The following PRRX2 variants were observed in gnomAD, a reference collection of about 807,000 sequenced individuals.
PRRX2 encodes paired mesoderm homeobox protein 2.
A neutral mutation model predicts 18.0 loss-of-function variants in PRRX2; 11 were observed. The observed-to-expected ratio is 0.61, with a 90% confidence interval of 0.39 to 1.01. The LOEUF (loss-of-function observed/expected upper bound fraction) is 1.01. Among genes scored for constraint, PRRX2 ranks in the 50% least tolerant of loss-of-function variants. PRRX2 has a pLI of 0.01. For synonymous variants in PRRX2, 177 were observed against 154.8 expected, an observed-to-expected ratio of 1.14 and a Z score of -1.06; for missense variants, 387 against 351.0, an observed-to-expected ratio of 1.10 and a Z score of -0.82.
Position 129,695,445 on chromosome 9 carries a change from T to TG in PRRX2, c.260-23783dup. Reference sequence around the variant, plus strand: ...CCTCCAAATTCCCGGTCTCTTGCTCTGGGCTTTACTTGACCAATGTGCTTC... The same window carrying TG: ...CCTCCAAATTCCCGGTCTCTTGCTCTGGGGCTTTACTTGACCAATGTGCTTC... On this transcript the variant is annotated intron_variant, in intron 1 of 3. Transcript: ENST00000372469. The surrounding 1 kb of genome is among the most constrained non-coding windows in gnomAD (Gnocchi z 4.8). Among the ~76,000 whole-genome samples the TG allele has an allele frequency of 6.6e-6, 1 of 152,348 alleles. No homozygotes were observed. Among genetic ancestry groups the TG allele is most frequent in the Middle Eastern group, 3.4e-3 (1 of 294 alleles).
In PRRX2 at chr9:129,719,223, C is replaced by T; in HGVS notation, c.260-8C>T. The T allele has an allele frequency of 1.9e-6, 3 of 1,566,178 alleles. No individual in the cohort carries two copies. Among genetic ancestry groups the T allele is most frequent in the Non-Finnish European group, 2.6e-6 (3 of 1,154,716 alleles). On this transcript the variant is annotated splice_polypyrimidine_tract_variant and splice_region_variant and intron_variant, in intron 1 of 3. Transcript: ENST00000372469. Reference sequence around the variant, plus strand: ...CTGCTGACCATCCCGCCCCCCCAACCTCCGCAGGTGAGTGTCCCAGCCCGG... The same window carrying T: ...CTGCTGACCATCCCGCCCCCCCAACTTCCGCAGGTGAGTGTCCCAGCCCGG...
rs1220083550 is a variant in PRRX2 at position 129,719,340 on chromosome 9, C to G, written c.369C>G (p.Phe123Leu). The G allele has an allele frequency of 1.9e-6, 3 of 1,596,248 alleles. No homozygotes were observed. The highest frequency in any genetic ancestry group is 2.6e-6 in the Non-Finnish European group (3 of 1,172,216). ...AACTGCAGGCGCTGGAGCGCGTGTTCGAGCGCACGCACTACCCCGACGCCT... is the reference window on the plus strand; with the variant it reads ...AACTGCAGGCGCTGGAGCGCGTGTTGGAGCGCACGCACTACCCCGACGCCT... ...SSQLQALERV[F>L]ERTHYPDAFV... The change falls in exon 2 of 4, where the codon TTC (phenylalanine) becomes TTG (leucine). Residue 123 changes from phenylalanine (F) to leucine (L), a missense_variant. Transcript: ENST00000372469.
intron 1 of PRRX2, among the ~76,000 whole-genome samples, chr9:129,678,661 G>T (rs1037592867): frequency 2.6e-5 from 4 of 152,190 alleles, no homozygotes; most frequent in African/African-American, 9.7e-5. Flanking sequence ...AGAAAGGGTG[G>T]GAGAGAGCAT....
intron 1 of PRRX2, among the ~76,000 whole-genome samples, chr9:129,718,952 A>C (rs1390638622): frequency 6.6e-6 from 1 of 152,106 alleles, no homozygotes; most frequent in Admixed American, 6.5e-5. Flanking sequence ...CAGTTGGCTC[A>C]GACTGGGGTT....
intron 3 of PRRX2, among the ~76,000 whole-genome samples, 187 bp downstream of exon 3, chr9:129,720,961 C>G (rs541327441): frequency 6.6e-6 from 1 of 152,152 alleles, no homozygotes; most frequent in Non-Finnish European, 1.5e-5. Context: ...AGCACCTGCA[C>G]GTGCATGTTG....
intron 1 of PRRX2, among the ~76,000 whole-genome samples, chr9:129,700,382 A>C (rs1224927109): frequency 6.8e-6 from 1 of 147,108 alleles, no homozygotes; most frequent in Non-Finnish European, 1.5e-5. Flanking sequence ...TCTGTCGCCC[A>C]GGCTGGAGTG....
chr9:129,721,591 T>C (rs1832792638), intron 3 of PRRX2, among the ~76,000 whole-genome samples: 1 of 152,006 alleles, frequency 6.6e-6, no homozygotes, highest in Admixed American at 6.6e-5. Context: ...TTTATGTATT[T>C]ATTTTTGAGA....
chr9:129,707,013 T>G (rs1832565541), intron 1 of PRRX2, among the ~76,000 whole-genome samples: 1 of 152,188 alleles, frequency 6.6e-6, no homozygotes, highest in Non-Finnish European at 1.5e-5. Flanking sequence ...CCCAGCACTT[T>G]GGGAGGCAAA....
intron 1 of PRRX2, among the ~76,000 whole-genome samples, chr9:129,696,719 T>C (rs898059989): frequency 5.3e-5 from 8 of 152,198 alleles, no homozygotes; most frequent in Non-Finnish European, 1.2e-4. Context: ...GGCAAATTCC[T>C]GCAGAGTCCC....
chr9:129,722,630 A>G lies in PRRX2; in HGVS notation c.*278A>G. Reference sequence around the variant, plus strand: ...TTTAGTTTGTGTATTAAAACCAAAAAGCTTTTGTCTTTAAGAAATAAAACC... The same window carrying G: ...TTTAGTTTGTGTATTAAAACCAAAAGGCTTTTGTCTTTAAGAAATAAAACC... On this transcript the variant is annotated 3_prime_UTR_variant, in exon 4 of 4. Transcript: ENST00000372469. 2.9e-6 allele frequency: 1 copy of G among 339,562 alleles called. No individual in the cohort carries two copies. The highest frequency in any genetic ancestry group is 5.3e-6 in the Non-Finnish European group (1 of 189,614). The allele number at this position is 339,562 out of a possible 1,614,324, so 21.0% of individuals were successfully genotyped here.
chr9:129,702,080 G>T (rs142311060), intron 1 of PRRX2, among the ~76,000 whole-genome samples: 3 of 151,830 alleles, frequency 2.0e-5, no homozygotes, highest in African/African-American at 7.3e-5. Context: ...CAGCCTGGGC[G>T]ACAGAGTGAA....
At position 129,722,425 on chromosome 9, in the gene PRRX2, G is replaced by C. The variant is rs1166884653; in HGVS notation, c.*73G>C. The C allele has an allele frequency of 6.4e-7, 1 of 1,551,976 alleles. No homozygotes were observed. Among genetic ancestry groups the C allele is most frequent in the Non-Finnish European group, 8.7e-7 (1 of 1,145,168 alleles). On this transcript the variant is annotated 3_prime_UTR_variant, in exon 4 of 4. Coordinates refer to ENST00000372469, the MANE Select transcript of PRRX2 (RefSeq NM_016307.4). ...AGAAAAGGGGGCAGACGCCCAGGAAGTGACCTTCTCCTGGATGAGCTCTCC... is the reference window on the plus strand; with the variant it reads ...AGAAAAGGGGGCAGACGCCCAGGAACTGACCTTCTCCTGGATGAGCTCTCC...
Position 129,671,021 on chromosome 9 carries a change from C to G in PRRX2, c.259+4895C>G, listed in dbSNP as rs1035206071. 3.3e-5 allele frequency among the ~76,000 whole-genome samples: 5 copies of G among 152,280 alleles called. No individual in the cohort carries two copies. Among genetic ancestry groups the G allele is most frequent in the African/African-American group, 7.2e-5 (3 of 41,530 alleles). On this transcript the variant is annotated intron_variant, in intron 1 of 3. Transcript: ENST00000372469. The surrounding 1 kb of genome is among the most constrained non-coding windows in gnomAD (Gnocchi z 4.0). ...GGGGTGTCATGTCACCTCTCTGTGC[C>G]TCGTTCACCACCTGAACAGTGGGAG...
chr9:129,707,222 C>T (rs1161668596), intron 1 of PRRX2, among the ~76,000 whole-genome samples: 1 of 152,052 alleles, frequency 6.6e-6, no homozygotes, highest in African/African-American at 2.4e-5. Flanking sequence ...CGCCACTGCA[C>T]TCCAGCCTGG....
At chr9:129,702,408 A>AG (rs1206419445) in intron 1 of PRRX2, among the ~76,000 whole-genome samples, 1 of 152,254 alleles carries the variant, frequency 6.6e-6, no homozygotes, top group African/African-American at 2.4e-5. Flanking sequence ...AAAAAAAAAA[A>AG]AAAAACTTTC....
rs58405360 is a variant in PRRX2, at chr9:129,715,750, T to TCACACACACA, written c.260-3447_260-3438dup. Reference sequence around the variant, plus strand: ...AAACCCAGCTTCAGGGACATCTTTCTCACACACACACACACACACACACAC... The same window carrying TCACACACACA: ...AAACCCAGCTTCAGGGACATCTTTCTCACACACACACACACACACACACACACACACACAC... On this transcript the variant is annotated intron_variant, in intron 1 of 3. Coordinates refer to ENST00000372469, the MANE Select transcript of PRRX2 (RefSeq NM_016307.4). The surrounding 1 kb of genome is among the most constrained non-coding windows in gnomAD (Gnocchi z 4.0). Among the ~76,000 whole-genome samples the TCACACACACA allele has an allele frequency of 5.0e-4, 69 of 138,946 alleles. No individual in the cohort carries two copies. Among genetic ancestry groups the TCACACACACA allele is most frequent in the East Asian group, 1.1e-3 (5 of 4,388 alleles). 91.2% of individuals were successfully genotyped at this position (138,946 alleles called of 152,430 possible).
rs751868612 is a variant in PRRX2, at chr9:129,666,006, G to A, written c.139G>A (p.Glu47Lys). ...NFSVSHLLDL[E>K]EVAAAGRLAA... ...CTCGGTGAGCCACCTCCTGGACCTG[G>A]AAGAGGTGGCGGCGGCCGGGCGGCT... The change falls in exon 1 of 4, where the codon GAA becomes AAA. Residue 47 changes from glutamate to lysine, a missense_variant. Transcript: ENST00000372469. 1.9e-5 allele frequency: 20 copies of A among 1,079,474 alleles called. No homozygotes were observed. In the East Asian group the frequency reaches 3.5e-4, roughly 19 times the overall value. The allele number at this position is 1,079,474 out of a possible 1,614,324, so 66.9% of individuals were successfully genotyped here.
intron 1 of PRRX2, among the ~76,000 whole-genome samples, chr9:129,703,311 C>G (rs570611527): frequency 6.6e-6 from 1 of 152,274 alleles, no homozygotes; most frequent in Admixed American, 6.5e-5. Flanking sequence ...GCCTGGCCAC[C>G]AGCACTTGCC....
chr9:129,705,735 C>T (rs1235455267), intron 1 of PRRX2, among the ~76,000 whole-genome samples: 2 of 152,064 alleles, frequency 1.3e-5, no homozygotes, highest in African/African-American at 4.8e-5. Context: ...TCCCCGCTAC[C>T]GTTAGCCTGC....
Sources: gnomAD v4.1 joint callset for allele counts (sites outside exome capture counted in the v4.1 genomes callset) on GRCh38, gnomAD v4.1.1 for gene constraint, Gnocchi (gnomAD v3.1) non-coding constraint, MANE v1.5 for transcripts, NCBI Gene and HGNC (gene_info 2026-07-23, HGNC 2026-07-21) for gene names.